The following TIMM44 variants were observed in gnomAD, a reference collection of about 807,000 sequenced individuals.
TIMM44 encodes mitochondrial import inner membrane translocase subunit TIM44.
A neutral mutation model predicts 63.8 loss-of-function variants in TIMM44; 37 were observed. The ratio of observed to expected loss-of-function variants is 0.58; its 90% confidence interval spans 0.45 to 0.76. The LOEUF is 0.76. TIMM44 is among the 30% of genes least tolerant of loss of function. TIMM44 has a pLI of 0.00. For synonymous variants in TIMM44, 239 were observed against 245.1 expected, an observed-to-expected ratio of 0.98 and a Z score of 0.23; for missense variants, 573 against 603.8, an observed-to-expected ratio of 0.95 and a Z score of 0.54.
Position 7,929,689 on chromosome 19 carries a change from G to GC in TIMM44, c.1038+1448dup, listed in dbSNP as rs879460062. On this transcript the variant is annotated intron_variant, in intron 10 of 12. Coordinates refer to ENST00000270538, the MANE Select transcript of TIMM44 (RefSeq NM_006351.4). The stretch of plus-strand genomic sequence containing the variant: ...ACCTTCAAACCCCACTTGACTCCCA[G>GC]CCCCCCCCCAGTCATGTGGGAGACC... Among the ~76,000 whole-genome samples, 137 of 147,652 alleles carry GC rather than the reference G, an allele frequency of 9.3e-4. 1 individual carries two copies. Among genetic ancestry groups the GC allele is most frequent in the African/African-American group, 1.6e-3 (63 of 40,214 alleles).
chr19:7,927,373 G>C (rs947840386), intron 12 of TIMM44, 67 bp from the exon 13 acceptor site: 2 of 1,529,276 alleles, frequency 1.3e-6, no homozygotes, highest in Non-Finnish European at 1.8e-6. Context: ...CTGGGGGGGG[G>C]CCAGGCTCTG....
rs1383854556 is a variant in TIMM44, at chr19:7,934,382, C to T, written c.394-144G>A. The T allele has an allele frequency of 2.8e-5, 31 of 1,100,504 alleles. No individual in the cohort carries two copies. In the Admixed American group the frequency reaches 4.1e-4, roughly 14 times the overall value. The allele number at this position is 1,100,504 out of a possible 1,614,324, so 68.2% of individuals were successfully genotyped here. ...AGGCCTTCTGTGCTCCTGTGGTACG[C>T]GGCACCCCCAGAGCCATGAGCACAA... is the stretch of plus-strand genomic sequence containing the variant. On this transcript the variant is annotated intron_variant, in intron 4 of 12. Coordinates refer to ENST00000270538, the MANE Select transcript of TIMM44 (RefSeq NM_006351.4). This position sits in a 1 kb window ranked among gnomAD's most constrained non-coding sequence, Gnocchi z 5.3.
In TIMM44 at chr19:7,933,697, G is replaced by A; in HGVS notation, c.684-127C>T. 7.7e-7 allele frequency: 1 copy of A among 1,306,948 alleles called. No homozygotes were observed. The allele number at this position is 1,306,948 out of a possible 1,614,324, so 81.0% of individuals were successfully genotyped here. The stretch of plus-strand genomic sequence containing the variant: ...AGACCTCAAACCTAGGGGCTCTGAG[G>A]ACCCCGCCCTCACCTCTCACCCTCA... On this transcript the variant is annotated intron_variant, in intron 6 of 12. Coordinates refer to ENST00000270538, the MANE Select transcript of TIMM44 (RefSeq NM_006351.4). This position sits in a 1 kb window ranked among gnomAD's most constrained non-coding sequence, Gnocchi z 4.3.
chr19:7,927,868 A>T, intron 11 of TIMM44, 101 bp from the exon 12 acceptor site: 1 of 1,300,210 alleles, frequency 7.7e-7, no homozygotes, highest in East Asian at 2.4e-5. Context: ...AGAAGGCTCC[A>T]GCACCAGGCC....
chr19:7,931,423 C>A, intron 9 of TIMM44: 1 of 549,944 alleles, frequency 1.8e-6, no homozygotes, highest in Non-Finnish European at 3.3e-6. Flanking sequence ...CTGCGGGCGA[C>A]CACCCAGGAG....
In TIMM44 at chr19:7,934,046, C is replaced by T. The variant is rs377692572; in HGVS notation, c.543+43G>A. 173 of 1,613,290 alleles carry T rather than the reference C, an allele frequency of 1.1e-4. 1 individual carries two copies. The African/African-American group carries it at 1.7e-3, about 16-fold the overall frequency. On this transcript the variant is annotated intron_variant, in intron 5 of 12. Coordinates refer to ENST00000270538, the MANE Select transcript of TIMM44 (RefSeq NM_006351.4). The surrounding 1 kb of genome is among the most constrained non-coding windows in gnomAD (Gnocchi z 5.3). ...CGGGGCTGGGGTGGGTGTCTGGGTT[C>T]GGCCGCCCCAGGCTGCATGCCCTAG...
Position 7,927,227 on chromosome 19 carries a change from AGCC to A in TIMM44, c.1316_1318del (p.Arg439del). ...GGTGCTGGAGGCCGAGATGTCCAGG[AGCC>A]GCCAGGCCGCGTAGGGGTTGAGCTC... On this transcript the variant is annotated inframe_deletion, in exon 13 of 13. Coordinates refer to ENST00000270538, the MANE Select transcript of TIMM44 (RefSeq NM_006351.4). 1 of 1,612,020 alleles carries A rather than the reference AGCC, an allele frequency of 6.2e-7. No individual in the cohort carries two copies.
intron 1 of TIMM44, among the ~76,000 whole-genome samples, chr19:7,941,777 G>C (rs920378435): frequency 1.3e-5 from 2 of 152,118 alleles, no homozygotes; most frequent in African/African-American, 2.4e-5. Context: ...CCAACCCATG[G>C]GGGGAAGAAG....
Position 7,927,242 on chromosome 19 carries a change from T to C in TIMM44, c.1304A>G (p.Tyr435Cys). The C allele has an allele frequency of 5.6e-6, 9 of 1,612,426 alleles. No homozygotes were observed. Among genetic ancestry groups the C allele is most frequent in the Non-Finnish European group, 6.8e-6 (8 of 1,179,900 alleles). ...LCRDQDELNP[Y>C]AAWRLLDISA... Reference sequence around the variant, plus strand: ...GATGTCCAGGAGCCGCCAGGCCGCGTAGGGGTTGAGCTCGTCCTGGTCTCG... The same window carrying C: ...GATGTCCAGGAGCCGCCAGGCCGCGCAGGGGTTGAGCTCGTCCTGGTCTCG... The change falls in exon 13 of 13, where the codon TAC becomes TGC. Residue 435 changes from tyrosine to cysteine, a missense_variant. Coordinates refer to ENST00000270538, the MANE Select transcript of TIMM44 (RefSeq NM_006351.4).
chr19:7,941,288 C>A, intron 1 of TIMM44, 91 bp from the exon 2 acceptor site: 8 of 940,632 alleles, frequency 8.5e-6, no homozygotes, highest in Non-Finnish European at 1.4e-5. Flanking sequence ...GGGTCACCTG[C>A]AACTCACTGG....
rs752101441 is a variant in TIMM44, at chr19:7,932,660, C to A, written c.954G>T (p.Gln318His). The A allele has an allele frequency of 1.1e-5, 18 of 1,614,026 alleles. No individual in the cohort carries two copies. Among genetic ancestry groups the A allele is most frequent in the Non-Finnish European group, 1.4e-5 (17 of 1,180,036 alleles). Residue 318 changes from glutamine (Q) to histidine (H), a missense_variant, in exon 9 of 13, where the codon CAG (glutamine) becomes CAT (histidine). Transcript: ENST00000270538. ...CATTGGGGATGATGTCGTTCTCGCA[C>A]TGTTTCAGAAACCGGTCCTTGTCAA... is the stretch of plus-strand genomic sequence containing the variant. ...PAFDKDRFLK[Q>H]CENDIIPNVL...
intron 1 of TIMM44, among the ~76,000 whole-genome samples, chr19:7,942,928 G>C (rs1272408329): frequency 6.6e-6 from 1 of 150,680 alleles, no homozygotes; most frequent in Non-Finnish European, 1.5e-5. Flanking sequence ...ATCCACCTGA[G>C]GCTGAGGCAG....
rs765382516 is a variant in TIMM44, at chr19:7,927,720, G to A, written c.1176C>T (p.Thr392=). The change falls in exon 12 of 13, where the codon ACC becomes ACT. Residue 392 remains threonine (T), a synonymous_variant. Coordinates refer to ENST00000270538, the MANE Select transcript of TIMM44 (RefSeq NM_006351.4). ...CCACCATCACCAGCTGTGCCTGGAA[G>A]GTGATGATCAGCACCGGCCCCTGCT... is the stretch of plus-strand genomic sequence containing the variant. ...MMEQGPVLII[T]FQAQLVMVVR... 5.0e-6 allele frequency: 8 copies of A among 1,613,292 alleles called. No individual in the cohort carries two copies. The highest frequency in any genetic ancestry group is 1.3e-5 in the African/African-American group (1 of 75,052).
chr19:7,929,474 C>T (rs758244870), intron 10 of TIMM44, among the ~76,000 whole-genome samples: 10 of 152,330 alleles, frequency 6.6e-5, no homozygotes, highest in East Asian at 1.9e-4. Flanking sequence ...CCATAGGTGG[C>T]GGCCCCGGGT....
intron 10 of TIMM44, 86 bp downstream of exon 10, chr19:7,931,052 C>A: frequency 7.5e-7 from 1 of 1,333,530 alleles, no homozygotes; most frequent in Non-Finnish European, 1.1e-6. Context: ...TGGGAGCTAC[C>A]CCAACGGAGC....
chr19:7,931,175 C>T lies in TIMM44; in HGVS notation c.1001G>A (p.Gly334Glu). The part of the protein sequence containing the change: ...IPNVLEAMIS[G>E]ELDILKDWCY... The stretch of plus-strand genomic sequence containing the variant: ...CCAGTCTTTGAGAATGTCAAGCTCT[C>T]CAGAAATCATGGCCTAAAAAGGAAG... Residue 334 changes from glycine (G) to glutamate (E), a missense_variant, in exon 10 of 13, where the codon GGA becomes GAA. Gly to Glu is a moderately conservative substitution (Grantham distance 98). Transcript: ENST00000270538. The T allele has an allele frequency of 1.2e-6, 2 of 1,613,970 alleles. No homozygotes were observed. The highest frequency in any genetic ancestry group is 1.7e-6 in the Non-Finnish European group (2 of 1,179,966).
In TIMM44 at chr19:7,942,297, G is replaced by A. The variant is rs935655591; in HGVS notation, c.46-1100C>T. On this transcript the variant is annotated intron_variant, in intron 1 of 12. Transcript: ENST00000270538. ...GCAGTGAGCCGAGATCTTGCCTTAA[G>A]TTCTGTGCAGGCACTGAGCTGGTGG... is the stretch of plus-strand genomic sequence containing the variant. 2.0e-5 allele frequency among the ~76,000 whole-genome samples: 3 copies of A among 152,198 alleles called. No homozygotes were observed. In the South Asian group the frequency reaches 6.2e-4, roughly 32 times the overall value.
chr19:7,928,327 A>G, intron 10 of TIMM44, 161 bp from the exon 11 acceptor site: 1 of 624,170 alleles, frequency 1.6e-6, no homozygotes, highest in South Asian at 1.8e-5. Flanking sequence ...GGTGCCACCC[A>G]CTTACTGGCC....
rs1291182088 is a variant in TIMM44, at chr19:7,934,451, C to CGAGCACACCGGCACCCCCAGAGCCAT, written c.394-239_394-214dup. On this transcript the variant is annotated intron_variant, in intron 4 of 12. Coordinates refer to ENST00000270538, the MANE Select transcript of TIMM44 (RefSeq NM_006351.4). The surrounding 1 kb of genome is among the most constrained non-coding windows in gnomAD (Gnocchi z 5.3). ...GAGCACACCGCCACCCCCAGAGCCA[C>CGAGCACACCGGCACCCCCAGAGCCAT]GAGCACACCGGCACCCCCAGAGCCA... Among the ~76,000 whole-genome samples, 9 of 145,848 alleles carry CGAGCACACCGGCACCCCCAGAGCCAT rather than the reference C, an allele frequency of 6.2e-5. No individual in the cohort carries two copies. Among genetic ancestry groups the CGAGCACACCGGCACCCCCAGAGCCAT allele is most frequent in the Non-Finnish European group, 1.0e-4 (7 of 66,670 alleles).
Sources: allele counts gnomAD v4.1 joint callset (sites outside exome capture counted in the v4.1 genomes callset), GRCh38; gene constraint gnomAD v4.1.1; non-coding constraint Gnocchi (gnomAD v3.1); transcripts MANE v1.5; gene names NCBI Gene and HGNC (gene_info 2026-07-23, HGNC 2026-07-21).